SPINK9: variants seen among roughly 807,000 people sequenced by gnomAD.
The protein encoded by SPINK9 is serine protease inhibitor Kazal-type 9.
A neutral mutation model predicts 10.8 loss-of-function variants in SPINK9; 3 were observed. That is an observed-to-expected ratio of 0.28 (90% CI 0.13 to 0.72). The LOEUF (loss-of-function observed/expected upper bound fraction) is 0.72, where lower values mean the gene tolerates loss of function less well. SPINK9 is among the 30% of genes least tolerant of loss of function. The pLI is 0.74. For synonymous variants in SPINK9, 30 were observed against 31.2 expected, an observed-to-expected ratio of 0.96 and a Z score of 0.12; for missense variants, 101 against 103.2, an observed-to-expected ratio of 0.98 and a Z score of 0.09.
upstream of SPINK9, among the ~76,000 whole-genome samples, chr5:148,331,591 T>C (rs1757151447): frequency 6.6e-6 from 1 of 152,194 alleles, no homozygotes; most frequent in Non-Finnish European, 1.5e-5. Flanking sequence ...TAATAACGTA[T>C]TCTATATTTC....
At position 148,339,757 on chromosome 5, in the gene SPINK9, AAG is replaced by A. The variant is rs1757265609; in HGVS notation, c.*48_*49del. On this transcript the variant is annotated 3_prime_UTR_variant, in exon 4 of 4. Transcript: ENST00000377906. The stretch of plus-strand genomic sequence containing the variant: ...AATATCTTTTAATGCATCTATTCAC[AAG>A]AGTCACATTTCTGTTCCCATATTAT... 6.7e-7 allele frequency: 1 copy of A among 1,498,018 alleles called. No homozygotes were observed. Among genetic ancestry groups the A allele is most frequent in the African/African-American group, 1.4e-5 (1 of 72,378 alleles). 92.8% of individuals were successfully genotyped at this position (1,498,018 alleles called of 1,614,324 possible). A position where few individuals can be genotyped will look rare whatever the true frequency, so the allele number is the denominator to read the frequency against.
At chr5:148,338,722 A>G in intron 3 of SPINK9, 117 bp downstream of exon 3, 2 of 700,084 alleles carry the variant, frequency 2.9e-6, no homozygotes, top group Non-Finnish European at 4.4e-6. Context: ...TGTCTCTAAC[A>G]AACAGAACCT....
intron 3 of SPINK9, among the ~76,000 whole-genome samples, chr5:148,339,384 C>T (rs1459114644): frequency 1.3e-5 from 2 of 151,188 alleles, no homozygotes; most frequent in African/African-American, 4.9e-5. Context: ...AGAAAAATAA[C>T]AATTTTTATG....
chr5:148,328,090 C>T (rs1453276546), intron 2 of SPINK9, among the ~76,000 whole-genome samples: 2 of 152,048 alleles, frequency 1.3e-5, no homozygotes, highest in African/African-American at 2.4e-5. Flanking sequence ...TATAAATTAC[C>T]TTGGGCAGTA....
chr5:148,321,635 T>A (rs1230842872), intron 1 of SPINK9, among the ~76,000 whole-genome samples: 3 of 152,140 alleles, frequency 2.0e-5, no homozygotes, highest in Admixed American at 2.0e-4. Context: ...ATCAGTATGG[T>A]ATCATTGACT....
chr5:148,323,609 A>G (rs1757023489), intron 1 of SPINK9: 2 of 511,606 alleles, frequency 3.9e-6, no homozygotes, highest in East Asian at 3.1e-5. Context: ...TCATTCCCAC[A>G]TGGGAAGCTG....
upstream of SPINK9, among the ~76,000 whole-genome samples, chr5:148,331,293 A>T (rs1757146465): frequency 6.6e-6 from 1 of 152,252 alleles, no homozygotes; most frequent in South Asian, 2.1e-4. Context: ...TTCAGCCTTA[A>T]AAGAAGGATA....
chr5:148,339,336 C>T (rs1164425213), intron 3 of SPINK9, among the ~76,000 whole-genome samples: 8 of 151,522 alleles, frequency 5.3e-5, no homozygotes, highest in Admixed American at 2.6e-4. Flanking sequence ...GAGCATCTAA[C>T]ATATGTGGCA....
At chr5:148,331,548 T>C (rs1267162234), upstream of SPINK9, among the ~76,000 whole-genome samples, 3 of 152,174 alleles carry the variant, frequency 2.0e-5, no homozygotes, top group Non-Finnish European at 2.9e-5. Flanking sequence ...GAATCTGTTT[T>C]GGTGATCTAT....
chr5:148,336,463 C>T lies in SPINK9; in HGVS notation c.87+10C>T. ...ACAGACGAAACAGATGGTCAGTACA[C>T]CCATCCTACTTTTATGTAATTTTAA... On this transcript the variant is annotated intron_variant, in intron 2 of 3. Transcript: ENST00000377906. 6.2e-7 allele frequency: 1 copy of T among 1,612,790 alleles called. No individual in the cohort carries two copies. Among genetic ancestry groups the T allele is most frequent in the Non-Finnish European group, 8.5e-7 (1 of 1,179,064 alleles).
In SPINK9 at chr5:148,335,583, T is replaced by A. The variant is rs370222791; in HGVS notation, c.-31T>A. The A allele has an allele frequency of 1.8e-5, 29 of 1,610,386 alleles. No individual in the cohort carries two copies. Among genetic ancestry groups the A allele is most frequent in the Middle Eastern group, 3.3e-4 (2 of 6,076 alleles). On this transcript the variant is annotated 5_prime_UTR_variant, in exon 1 of 4. Coordinates refer to ENST00000377906, the MANE Select transcript of SPINK9 (RefSeq NM_001040433.2). Reference sequence around the variant, plus strand: ...CGGACACCAGGTCACTTCTTTTCCCTACATCTGACTGCCTTGGCCACTTCA... The same window carrying A: ...CGGACACCAGGTCACTTCTTTTCCCAACATCTGACTGCCTTGGCCACTTCA...
Position 148,338,463 on chromosome 5 carries a change from AAT to A in SPINK9, c.88-12_88-11del. Reference sequence around the variant, plus strand: ...TTGGTTGAAAGAGTTGAAGGTTTTTAATATGTTTTTTCAGGTTGACTGCAGTC... The same window carrying A: ...TTGGTTGAAAGAGTTGAAGGTTTTTAATGTTTTTTCAGGTTGACTGCAGTC... On this transcript the variant is annotated splice_polypyrimidine_tract_variant and intron_variant, in intron 2 of 3. Transcript: ENST00000377906. 1 of 1,585,058 alleles carries A rather than the reference AAT, an allele frequency of 6.3e-7. No individual in the cohort carries two copies. The highest frequency in any genetic ancestry group is 8.5e-7 in the Non-Finnish European group (1 of 1,170,326).
chr5:148,321,414 A>T (rs886627591), intron 1 of SPINK9: 8 of 152,196 alleles, frequency 5.3e-5, no homozygotes, highest in Non-Finnish European at 1.2e-4. Flanking sequence ...TCAGTGATGG[A>T]AGATGAAATG....
intron 2 of SPINK9, among the ~76,000 whole-genome samples, chr5:148,328,142 G>A (rs1412993816): frequency 1.3e-5 from 2 of 152,198 alleles, no homozygotes; most frequent in African/African-American, 2.4e-5. Context: ...CCATGAGCAA[G>A]GAATGTTCTT....
intron 2 of SPINK9, among the ~76,000 whole-genome samples, chr5:148,327,447 C>T (rs999397988): frequency 2.6e-5 from 4 of 152,032 alleles, no homozygotes; most frequent in African/African-American, 9.7e-5. Context: ...TTCTCTCATT[C>T]TGTAGGTTGC....
upstream of SPINK9, among the ~76,000 whole-genome samples, chr5:148,332,860 T>C (rs985692406): frequency 3.9e-5 from 6 of 152,210 alleles, no homozygotes; most frequent in African/African-American, 1.4e-4. Context: ...CTTCACTCAC[T>C]GTCAAGGAAT....
chr5:148,336,195 T>G (rs1757215068), intron 1 of SPINK9, among the ~76,000 whole-genome samples: 1 of 152,132 alleles, frequency 6.6e-6, no homozygotes, highest in South Asian at 2.1e-4. Context: ...TCGTGGCATC[T>G]TTTCCATTTC....
At chr5:148,336,008 A>T (rs1561768730) in intron 1 of SPINK9, among the ~76,000 whole-genome samples, 1 of 152,184 alleles carries the variant, frequency 6.6e-6, no homozygotes, top group Admixed American at 6.5e-5. Context: ...ACCATGGGCT[A>T]TTCTTCTATT....
intron 1 of SPINK9, among the ~76,000 whole-genome samples, chr5:148,335,962 C>A (rs1308820607): frequency 6.6e-6 from 1 of 152,174 alleles, no homozygotes. Flanking sequence ...ACAGGGAACT[C>A]ATTTATTCAT....
Sources: gnomAD v4.1 joint callset for allele counts (sites outside exome capture counted in the v4.1 genomes callset) on GRCh38, gnomAD v4.1.1 for gene constraint, MANE v1.5 for transcripts, NCBI Gene and HGNC (gene_info 2026-07-23, HGNC 2026-07-21) for gene names.